The following TMTC1 variants were observed in gnomAD, a reference collection of about 807,000 sequenced individuals.
TMTC1 encodes transmembrane O-mannosyltransferase targeting cadherins 1.
A neutral mutation model predicts 104.8 loss-of-function variants in TMTC1; 73 were observed. The observed-to-expected ratio is 0.70, with a 90% CI of 0.58 to 0.85. The LOEUF (loss-of-function observed/expected upper bound fraction) is 0.85. Among genes scored for constraint, TMTC1 ranks in the 40% least tolerant of loss-of-function variants. The pLI is 0.00. For synonymous variants in TMTC1, 434 were observed against 428.7 expected, an observed-to-expected ratio of 1.01 and a Z score of -0.15; for missense variants, 1,035 against 1,096.1, an observed-to-expected ratio of 0.94 and a Z score of 0.79.
intron 5 of TMTC1, among the ~76,000 whole-genome samples, chr12:29,727,820 T>C (rs563403640): frequency 2.7e-5 from 4 of 146,126 alleles, no homozygotes; most frequent in Non-Finnish European, 6.2e-5. Context: ...CAAGACAGGG[T>C]CTCACTATTG....
At chr12:29,616,688 A>C (rs1946989122) in intron 6 of TMTC1, among the ~76,000 whole-genome samples, 1 of 151,766 alleles carries the variant, frequency 6.6e-6, no homozygotes, top group Non-Finnish European at 1.5e-5. Context: ...AAAAAAAAAA[A>C]AACATTTTCT....
intron 11 of TMTC1, chr12:29,535,940 G>A: frequency 2.5e-6 from 1 of 396,628 alleles, no homozygotes. Flanking sequence ...CAAATATCAT[G>A]TATTGTTCTT....
chr12:29,633,059 AC>A (rs1216324282), intron 6 of TMTC1, 87 bp downstream of exon 6: 8 of 1,259,942 alleles, frequency 6.3e-6, no homozygotes, highest in Non-Finnish European at 8.8e-6. Flanking sequence ...TTCAATTTAC[AC>A]CCAGACCATC....
At chr12:29,682,622 A>G (rs1412175178) in intron 5 of TMTC1, among the ~76,000 whole-genome samples, 1 of 152,230 alleles carries the variant, frequency 6.6e-6, no homozygotes, top group Admixed American at 6.5e-5. Context: ...TCTAAAAGAC[A>G]TTATGGTGAA....
In TMTC1 at chr12:29,546,903, A is replaced by T. The variant is rs535443637; in HGVS notation, c.1676+9954T>A. 2.5e-4 allele frequency among the ~76,000 whole-genome samples: 9 copies of T among 35,910 alleles called. No individual in the cohort carries two copies. In the East Asian group the frequency reaches 8.6e-3, roughly 34 times the overall value. The allele number at this position is 35,910 out of a possible 152,430, so 23.6% of individuals were successfully genotyped here. On this transcript the variant is annotated intron_variant, in intron 10 of 17. Transcript: ENST00000539277. ...GCAACATAGTGAGTCCTTTTCTCTT[A>T]AAAAAAAAATTCCTCTTTCACCTTG...
intron 10 of TMTC1, among the ~76,000 whole-genome samples, chr12:29,556,488 C>T (rs1433735203): frequency 6.6e-6 from 1 of 152,218 alleles, no homozygotes; most frequent in African/African-American, 2.4e-5. Context: ...GACTATCCCA[C>T]AGTCCCTTCT....
At chr12:29,659,854 G>A (rs778188303) in intron 5 of TMTC1, 2 of 1,490,740 alleles carry the variant, frequency 1.3e-6, no homozygotes, top group South Asian at 2.6e-5. Context: ...TAAATACCAA[G>A]TTTTAAAAAA....
intron 5 of TMTC1, among the ~76,000 whole-genome samples, chr12:29,682,045 C>A (rs966906895): frequency 2.6e-5 from 4 of 151,638 alleles, no homozygotes; most frequent in African/African-American, 9.7e-5. Flanking sequence ...TTAAGAACTC[C>A]CAAAACTCAA....
chr12:29,739,064 T>A (rs949427731), intron 5 of TMTC1, among the ~76,000 whole-genome samples: 10 of 152,230 alleles, frequency 6.6e-5, no homozygotes, highest in Non-Finnish European at 7.3e-5. Flanking sequence ...AATTTTCTTA[T>A]CTTCACACTT....
At chr12:29,591,907 T>C (rs1946292622) in intron 7 of TMTC1, among the ~76,000 whole-genome samples, 1 of 86,584 alleles carries the variant, frequency 1.2e-5, no homozygotes, top group African/African-American at 6.8e-5. Flanking sequence ...AGCTTTTAAG[T>C]GAAAACAAAA....
chr12:29,727,656 G>C (rs957634041), intron 5 of TMTC1, among the ~76,000 whole-genome samples: 1 of 152,286 alleles, frequency 6.6e-6, no homozygotes, highest in South Asian at 2.1e-4. Flanking sequence ...AATTACAGGC[G>C]TGAGCCACCG....
chr12:29,584,047 C>T (rs1481882552), intron 7 of TMTC1, among the ~76,000 whole-genome samples: 1 of 152,156 alleles, frequency 6.6e-6, no homozygotes, highest in Non-Finnish European at 1.5e-5. Context: ...TGGAAGGATG[C>T]TGGTCACCAA....
chr12:29,672,789 G>A (rs1292445686), intron 5 of TMTC1, among the ~76,000 whole-genome samples: 3 of 152,154 alleles, frequency 2.0e-5, no homozygotes, highest in Non-Finnish European at 4.4e-5. Context: ...GCAGACCACA[G>A]CTCCTCCTGA....
At chr12:29,671,635 A>G (rs1348941422) in intron 5 of TMTC1, among the ~76,000 whole-genome samples, 2 of 152,208 alleles carry the variant, frequency 1.3e-5, no homozygotes, top group Non-Finnish European at 2.9e-5. Context: ...GAGGTGTAAA[A>G]AAGTGAATTC....
At position 29,693,501 on chromosome 12, in the gene TMTC1, C is replaced by A. The variant is rs187636131; in HGVS notation, c.938+58165G>T. Among the ~76,000 whole-genome samples, 4 of 108,964 alleles carry A rather than the reference C, an allele frequency of 3.7e-5. 1 individual carries two copies. The Admixed American group carries it at 4.1e-4, about 11-fold the overall frequency. 71.5% of individuals were successfully genotyped at this position (108,964 alleles called of 152,430 possible). A position where few individuals can be genotyped will look rare whatever the true frequency, so the allele number is the denominator to read the frequency against. On this transcript the variant is annotated intron_variant, in intron 5 of 17. Transcript: ENST00000539277. ...GTAATTTTGTATCCAAAATTTGTAA[C>A]CAACCTTTCTCTATCCCCTTCGTTC...
chr12:29,611,177 C>CTTT (rs1555176122), intron 6 of TMTC1, among the ~76,000 whole-genome samples: 3 of 130,162 alleles, frequency 2.3e-5, no homozygotes, highest in African/African-American at 9.9e-5. Flanking sequence ...TTCTGAACTT[C>CTTT]TTTTTTTTTT....
intron 5 of TMTC1, among the ~76,000 whole-genome samples, chr12:29,743,059 CAATT>C (rs1221250168): frequency 2.0e-5 from 3 of 152,304 alleles, no homozygotes; most frequent in African/African-American, 7.2e-5. Flanking sequence ...TGAAAACCCA[CAATT>C]AAGAGCTATC....
At chr12:29,731,646 G>A (rs1314416123) in intron 5 of TMTC1, among the ~76,000 whole-genome samples, 2 of 202 alleles carry the variant, frequency 9.9e-3, no homozygotes, top group Non-Finnish European at 0.045. Context: ...CGATAAGCAA[G>A]TAGATCAATA....
chr12:29,669,271 A>G (rs963593012), intron 5 of TMTC1, among the ~76,000 whole-genome samples: 9 of 152,224 alleles, frequency 5.9e-5, no homozygotes, highest in Non-Finnish European at 1.2e-4. Flanking sequence ...ATACTGGTAC[A>G]GTGGTGAACA....
Sources: allele counts gnomAD v4.1 joint callset (sites outside exome capture counted in the v4.1 genomes callset), GRCh38; gene constraint gnomAD v4.1.1; transcripts MANE v1.5; gene names NCBI Gene and HGNC (gene_info 2026-07-23, HGNC 2026-07-21).